Variants in SLC12A3 observed in about 807,000 individuals in gnomAD.
The protein encoded by SLC12A3 is solute carrier family 12 member 3.
SLC12A3 carries 104 observed loss-of-function variants against 121.0 expected under a neutral mutation model. The observed-to-expected ratio is 0.86, with a 90% CI of 0.73 to 1.01. The LOEUF (loss-of-function observed/expected upper bound fraction) is 1.01. SLC12A3 is among the 50% of genes least tolerant of loss of function. The pLI is 0.00. For synonymous variants in SLC12A3, 536 were observed against 533.4 expected (o/e 1.00, Z -0.07); for missense variants, 1,328 against 1,356.3 (o/e 0.98, Z 0.33).
rs759336529 is a variant in SLC12A3 at position 56,884,137 on chromosome 16, G to A, written c.1758G>A (p.Trp586Ter). The change falls in exon 14 of 26, where the codon TGG (tryptophan) becomes TGA (stop). Residue 586 changes from tryptophan (W) to a stop codon, truncating the protein, a stop_gained. Coordinates refer to ENST00000563236, the MANE Select transcript of SLC12A3 (RefSeq NM_001126108.2). LOFTEE classifies it high-confidence loss of function. Reference protein sequence around the residue: ...ISVVIMFLLTWWAALIAIGVV... With the variant: ...ISVVIMFLLT ...TGGTCATCATGTTCCTCCTCACCTG[G>A]TGGGCGGCCCTCATCGCCATTGGCG... The A allele has an allele frequency of 6.2e-7, 1 of 1,614,196 alleles. No homozygotes were observed. The highest frequency in any genetic ancestry group is 8.5e-7 in the Non-Finnish European group (1 of 1,180,024).
chr16:56,891,062 T>G (rs1473773591), intron 19 of SLC12A3, among the ~76,000 whole-genome samples: 1 of 151,866 alleles, frequency 6.6e-6, no homozygotes, highest in Non-Finnish European at 1.5e-5. Context: ...CATATATGAC[T>G]GCAGACTCTG....
intron 19 of SLC12A3, among the ~76,000 whole-genome samples, chr16:56,891,537 G>A (rs2055389002): frequency 6.6e-6 from 1 of 152,250 alleles, no homozygotes; most frequent in East Asian, 1.9e-4. Context: ...GGCATGTCTG[G>A]CACACGGATG....
At chr16:56,880,974 C>A (rs1370521228) in intron 12 of SLC12A3, among the ~76,000 whole-genome samples, 1 of 152,232 alleles carries the variant, frequency 6.6e-6, no homozygotes, top group African/African-American at 2.4e-5. Context: ...CACACACACT[C>A]ATATGTGCAC....
intron 23 of SLC12A3, 30 bp downstream of exon 23, chr16:56,899,646 A>G (rs1483411467): frequency 6.6e-7 from 1 of 1,519,596 alleles, no homozygotes; most frequent in Non-Finnish European, 9.1e-7. Flanking sequence ...TTCCAGGCAG[A>G]AGGGCCAACT....
intron 25 of SLC12A3, chr16:56,906,900 G>A: frequency 1.9e-6 from 1 of 521,124 alleles, no homozygotes; most frequent in South Asian, 1.8e-5. Flanking sequence ...GACTGTAAAG[G>A]CCACGTTGGT....
chr16:56,875,005 G>A (rs532388312), intron 8 of SLC12A3, among the ~76,000 whole-genome samples: 99 of 152,282 alleles, frequency 6.5e-4, no homozygotes, highest in African/African-American at 2.2e-3. Flanking sequence ...CAGAGGTTGG[G>A]CCTGTGCTCA....
chr16:56,892,178 G>C (rs1175419969), intron 20 of SLC12A3, 45 bp downstream of exon 20: 1 of 1,598,466 alleles, frequency 6.3e-7, no homozygotes, highest in Non-Finnish European at 8.6e-7. Context: ...TTCCCACTCA[G>C]AGCTCAGGGC....
intron 12 of SLC12A3, among the ~76,000 whole-genome samples, chr16:56,881,085 G>A (rs2055234027): frequency 6.6e-6 from 1 of 151,808 alleles, no homozygotes; most frequent in Non-Finnish European, 1.5e-5. Flanking sequence ...ACGGGCAGTG[G>A]CCATGCTGCA....
intron 19 of SLC12A3, among the ~76,000 whole-genome samples, chr16:56,891,643 T>C (rs1039537904): frequency 7.9e-5 from 12 of 152,206 alleles, no homozygotes; most frequent in Non-Finnish European, 1.0e-4. Flanking sequence ...GCCTCTGCTC[T>C]TGAGAAGCTG....
Position 56,892,992 on chromosome 16 carries a change from C to G in SLC12A3, c.2459C>G (p.Thr820Ser), listed in dbSNP as rs144206890. ...CTGGTGAAGGAGGAGCAGGCCACCA[C>G]CATCTTCCAGTCGGAGCAGGGCAAG... is the stretch of plus-strand genomic sequence containing the variant. ...KALVKEEQATTIFQSEQGKKT... is the reference protein window; with the variant it reads ...KALVKEEQATSIFQSEQGKKT... Residue 820 changes from threonine to serine, a missense_variant, in exon 21 of 26, where the codon ACC (threonine) becomes AGC (serine). By Grantham distance (58) the Thr-to-Ser change is moderately conservative (BLOSUM62 1). Coordinates refer to ENST00000563236, the MANE Select transcript of SLC12A3 (RefSeq NM_001126108.2). 50 of 1,614,116 alleles carry G rather than the reference C, an allele frequency of 3.1e-5. No homozygotes were observed. Among genetic ancestry groups the G allele is most frequent in the Non-Finnish European group, 4.2e-5 (49 of 1,180,036 alleles).
chr16:56,870,139 T>C lies in SLC12A3; in HGVS notation c.645T>C (p.Leu215=), dbSNP rs2055072257. ...TCTCCCGGAGTCTGGGCCCAGAGCT[T>C]GGGGGCTCCATCGGCCTCATTTTCG... ...FLISRSLGPE[L]GGSIGLIFAF... is the part of the protein sequence containing the mutation. The change falls in exon 5 of 26, where the codon CTT becomes CTC. Residue 215 remains leucine, a synonymous_variant. Transcript: ENST00000563236. The C allele has an allele frequency of 1.2e-6, 2 of 1,613,906 alleles. No homozygotes were observed. Among genetic ancestry groups the C allele is most frequent in the South Asian group, 2.2e-5 (2 of 91,088 alleles).
chr16:56,865,481 C>A lies in SLC12A3; in HGVS notation c.246C>A (p.Val82=), dbSNP rs1051844772. Residue 82 remains valine (V), a synonymous_variant, in exon 1 of 26, where the codon GTC becomes GTA. Coordinates refer to ENST00000563236, the MANE Select transcript of SLC12A3 (RefSeq NM_001126108.2). The stretch of plus-strand genomic sequence containing the variant: ...CCCAGCCTGGTGAGCCCCGGAAGGT[C>A]CGGCCCACACTGGCTGACCTGCACT... ...NSTQPGEPRK[V]RPTLADLHSF... 1 of 1,613,802 alleles carries A rather than the reference C, an allele frequency of 6.2e-7. No individual in the cohort carries two copies. The highest frequency in any genetic ancestry group is 1.3e-5 in the African/African-American group (1 of 75,066).
intron 22 of SLC12A3, 109 bp from the exon 23 acceptor site, chr16:56,899,421 A>C: frequency 3.6e-6 from 3 of 829,914 alleles, no homozygotes; most frequent in Non-Finnish European, 6.3e-6. Context: ...CCTGGGAGGC[A>C]GAGGTTGCAG....
chr16:56,887,798 A>ATATATATATTTTTT (rs1433682477), intron 17 of SLC12A3, 127 bp from the exon 18 acceptor site: 1 of 68,456 alleles, frequency 1.5e-5, no homozygotes, highest in Non-Finnish European at 2.9e-5. Flanking sequence ...ATATATATAT[A>ATATATATATTTTTT]TTTTTTTTTT....
chr16:56,870,209 G>A lies in SLC12A3; in HGVS notation c.715G>A (p.Ala239Thr). 6.2e-7 allele frequency: 1 copy of A among 1,613,828 alleles called. No homozygotes were observed. ...TGTGGCCATGCACACGGTGGGCTTT[G>A]CAGAGACCGTGCGGGACCTGCTCCA... ...VGVAMHTVGF[A>T]ETVRDLLQEY... is the part of the protein sequence containing the mutation. Residue 239 changes from alanine to threonine, a missense_variant, in exon 5 of 26, where the codon GCA (alanine) becomes ACA (threonine). By Grantham distance (58) the Ala-to-Thr change is moderately conservative. Coordinates refer to ENST00000563236, the MANE Select transcript of SLC12A3 (RefSeq NM_001126108.2).
chr16:56,868,523 A>G (rs913866875), intron 3 of SLC12A3, 151 bp downstream of exon 3: 19 of 794,720 alleles, frequency 2.4e-5, no homozygotes, highest in Non-Finnish European at 3.4e-5. Context: ...TCCCTGGTTC[A>G]GTCTCAGGCC....
At chr16:56,878,048 C>A in intron 8 of SLC12A3, 29 bp from the exon 9 acceptor site, 1 of 709,124 alleles carries the variant, frequency 1.4e-6, no homozygotes, top group East Asian at 2.7e-5. Flanking sequence ...CCCTCCCTCC[C>A]TCCCTCCCTC....
intron 22 of SLC12A3, among the ~76,000 whole-genome samples, chr16:56,895,024 A>G (rs972307427): frequency 1.3e-5 from 2 of 151,378 alleles, no homozygotes; most frequent in African/African-American, 4.8e-5. Flanking sequence ...ATAGAAAAAA[A>G]AAAAGATAAA....
intron 20 of SLC12A3, 130 bp from the exon 21 acceptor site, chr16:56,892,823 C>T: frequency 2.8e-6 from 2 of 715,786 alleles, no homozygotes; most frequent in South Asian, 3.2e-5. Context: ...GCGTCCTGGG[C>T]CCCGGTTCCT....
Sources: allele counts gnomAD v4.1 joint callset (sites outside exome capture counted in the v4.1 genomes callset), GRCh38; gene constraint gnomAD v4.1.1; transcripts MANE v1.5; gene names NCBI Gene and HGNC (gene_info 2026-07-23, HGNC 2026-07-21).